Variants in ABCA9 observed in about 807,000 individuals in gnomAD.
ABCA9 encodes the protein ATP-binding cassette sub-family A member 9.
In ABCA9, 183 loss-of-function variants were observed where a neutral mutation model predicts 205.3. The ratio of observed to expected loss-of-function variants is 0.89; its 90% CI spans 0.79 to 1.01. The LOEUF (loss-of-function observed/expected upper bound fraction) is 1.01. Among genes scored for constraint, ABCA9 ranks in the 50% least tolerant of loss-of-function variants. The pLI, the probability that ABCA9 is intolerant of heterozygous loss-of-function variation, is 0.00. For missense variants in ABCA9, 1,805 were observed against 1,912.4 expected (o/e 0.94, Z 1.05); for synonymous variants, 651 against 683.3 (o/e 0.95, Z 0.74).
chr17:69,018,877 T>G (rs998912169), intron 19 of ABCA9, among the ~76,000 whole-genome samples: 37 of 152,052 alleles, frequency 2.4e-4, no homozygotes, highest in African/African-American at 8.7e-4. Context: ...CTTATTTCAG[T>G]CATGCATTTC....
At chr17:69,056,183 A>C (rs992232508) in intron 1 of ABCA9, among the ~76,000 whole-genome samples, 4 of 152,168 alleles carry the variant, frequency 2.6e-5, no homozygotes, top group Non-Finnish European at 5.9e-5. Flanking sequence ...AAATCAATGA[A>C]ACGGAAAACA....
At chr17:69,045,000 C>T (rs2071663610) in intron 4 of ABCA9, among the ~76,000 whole-genome samples, 172 bp downstream of exon 4, 1 of 152,048 alleles carries the variant, frequency 6.6e-6, no homozygotes, top group African/African-American at 2.4e-5. Flanking sequence ...AAACAATGTA[C>T]TTAAGCACAT....
chr17:69,018,849 C>T (rs1377113050), intron 19 of ABCA9, among the ~76,000 whole-genome samples: 5 of 152,082 alleles, frequency 3.3e-5, no homozygotes, highest in Non-Finnish European at 5.9e-5. Context: ...TCTCTCTTCA[C>T]AATCCCTAAC....
intron 19 of ABCA9, among the ~76,000 whole-genome samples, chr17:69,019,100 C>A (rs968421822): frequency 6.6e-6 from 1 of 152,052 alleles, no homozygotes; most frequent in African/African-American, 2.4e-5. Flanking sequence ...ATCTTTATTG[C>A]TTGCCTCCAA....
At chr17:69,062,613 C>A (rs193194365), upstream of ABCA9, among the ~76,000 whole-genome samples, 1 of 152,062 alleles carries the variant, frequency 6.6e-6, no homozygotes, top group African/African-American at 2.4e-5. Context: ...CAGGTTCAAG[C>A]GATTCTCCTG....
At chr17:69,039,967 A>T (rs1403390382) in intron 6 of ABCA9, among the ~76,000 whole-genome samples, 1 of 152,232 alleles carries the variant, frequency 6.6e-6, no homozygotes, top group Admixed American at 6.5e-5. Flanking sequence ...GCTCATCATC[A>T]CTAGTCATTA....
chr17:69,060,848 T>G lies in ABCA9; in HGVS notation c.-14+18A>C. 1 of 984,862 alleles carries G rather than the reference T, an allele frequency of 1.0e-6. No individual in the cohort carries two copies. The highest frequency in any genetic ancestry group is 1.2e-6 in the Non-Finnish European group (1 of 829,416). The allele number at this position is 984,862 out of a possible 1,614,324, so 61.0% of individuals were successfully genotyped here. A position where few individuals can be genotyped will look rare whatever the true frequency, so the allele number is the denominator to read the frequency against. Reference sequence around the variant, plus strand: ...ATTTCTATATGCAAAATAACCACAATTTTAGAGGTTAACTTACTCTCAGGA... The same window carrying G: ...ATTTCTATATGCAAAATAACCACAAGTTTAGAGGTTAACTTACTCTCAGGA... On this transcript the variant is annotated intron_variant, in intron 1 of 38. Transcript: ENST00000340001.
intron 6 of ABCA9, among the ~76,000 whole-genome samples, chr17:69,037,923 G>A (rs1222090329): frequency 2.6e-5 from 4 of 152,120 alleles, no homozygotes; most frequent in Non-Finnish European, 5.9e-5. Context: ...ACTACCATCG[G>A]AGAATATAAT....
In ABCA9 at chr17:69,023,564, C is replaced by T. The variant is rs16973511; in HGVS notation, c.2281+650G>A. On this transcript the variant is annotated intron_variant, in intron 17 of 38. Coordinates refer to ENST00000340001, the MANE Select transcript of ABCA9 (RefSeq NM_080283.4). This position sits in a 1 kb window ranked among gnomAD's most constrained non-coding sequence, Gnocchi z 4.2. ...TGATTCAAGCATGCAGCAATGGCCC[C>T]GGTATAATTTCTTGAACTTGATATG... is the stretch of plus-strand genomic sequence containing the variant. Among the ~76,000 whole-genome samples, 1,123 of 152,168 alleles carry T rather than the reference C, an allele frequency of 7.4e-3. 13 individuals carry two copies. Among genetic ancestry groups the T allele is most frequent in the African/African-American group, 0.026 (1,083 of 41,494 alleles).
chr17:68,991,603 C>T (rs1315459241), intron 28 of ABCA9, among the ~76,000 whole-genome samples: 2 of 152,182 alleles, frequency 1.3e-5, no homozygotes. Flanking sequence ...TGTCACTCTT[C>T]TCTGCTACCA....
chr17:69,000,159 G>C (rs370191385), intron 25 of ABCA9, among the ~76,000 whole-genome samples: 8 of 151,330 alleles, frequency 5.3e-5, no homozygotes, highest in Admixed American at 1.3e-4. Context: ...TTTTGGCTTT[G>C]GTTGCCATTG....
the ABCA9 span, among the ~76,000 whole-genome samples, chr17:69,070,699 G>A: frequency 6.6e-6 from 1 of 152,182 alleles, no homozygotes; most frequent in African/African-American, 2.4e-5. Context: ...CTGCAGGAAT[G>A]TTTTTTGTAC....
chr17:68,988,979 T>C, intron 31 of ABCA9, 48 bp downstream of exon 31: 3 of 1,150,884 alleles, frequency 2.6e-6, no homozygotes, highest in Non-Finnish European at 2.6e-6. Context: ...GCCATCAATA[T>C]TCTTTGTAGG....
upstream of ABCA9, among the ~76,000 whole-genome samples, chr17:69,064,712 ACT>A (rs2072327859): frequency 6.6e-6 from 1 of 152,058 alleles, no homozygotes; most frequent in African/African-American, 2.4e-5. Flanking sequence ...AATGCTAGAG[ACT>A]CTACTCTCCA....
intron 17 of ABCA9, 198 bp from the exon 18 acceptor site, chr17:69,022,059 AT>A: frequency 3.2e-6 from 1 of 315,932 alleles, no homozygotes; most frequent in Non-Finnish European, 5.5e-6. Context: ...TAATCTAAAC[AT>A]TTATTTTTTC....
chr17:69,065,918 C>G (rs1001846197), upstream of ABCA9, among the ~76,000 whole-genome samples: 3 of 152,090 alleles, frequency 2.0e-5, no homozygotes, highest in South Asian at 2.1e-4. Context: ...GCTTTTCCCC[C>G]CTTTTGCTCG....
At chr17:68,999,745 A>G (rs1282691426) in intron 25 of ABCA9, among the ~76,000 whole-genome samples, 1 of 152,158 alleles carries the variant, frequency 6.6e-6, no homozygotes, top group Non-Finnish European at 1.5e-5. Flanking sequence ...TCCCACCAAC[A>G]GTGTAAAAGT....
At chr17:69,003,214 G>A (rs1457424876) in intron 25 of ABCA9, among the ~76,000 whole-genome samples, 38 of 151,938 alleles carry the variant, frequency 2.5e-4, no homozygotes, top group Admixed American at 3.9e-4. Flanking sequence ...TCCTAGTCTC[G>A]ATGGTCTTTA....
At chr17:68,999,249 T>A (rs976354294) in intron 25 of ABCA9, among the ~76,000 whole-genome samples, 32 of 140,210 alleles carry the variant, frequency 2.3e-4, no homozygotes, top group Non-Finnish European at 3.6e-4. Flanking sequence ...TAGCATTAGG[T>A]ATATCTCCCA....
Sources: gnomAD v4.1 joint callset for allele counts (sites outside exome capture counted in the v4.1 genomes callset) on GRCh38, gnomAD v4.1.1 for gene constraint, Gnocchi (gnomAD v3.1) non-coding constraint, MANE v1.5 for transcripts, NCBI Gene and HGNC (gene_info 2026-07-23, HGNC 2026-07-21) for gene names.